Variants in MGAT4C observed in about 807,000 individuals in gnomAD.
MGAT4C encodes the protein MGAT4 family member C.
In MGAT4C, 19 loss-of-function variants were observed where a neutral mutation model predicts 40.1. The ratio of observed to expected loss-of-function variants is 0.47; its 90% CI spans 0.33 to 0.70. The LOEUF (loss-of-function observed/expected upper bound fraction) is 0.70, where lower values mean the gene tolerates loss of function less well. MGAT4C is among the 30% of genes least tolerant of loss of function. The pLI, the probability that MGAT4C is intolerant of heterozygous loss-of-function variation, is 0.02. For synonymous variants in MGAT4C, 181 were observed against 187.1 expected, an observed-to-expected ratio of 0.97 and a Z score of 0.27; for missense variants, 491 against 563.2, an observed-to-expected ratio of 0.87 and a Z score of 1.30.
chr12:86,574,818 A>G (rs898930263), intron 2 of MGAT4C, among the ~76,000 whole-genome samples: 13 of 151,742 alleles, frequency 8.6e-5, no homozygotes, highest in Admixed American at 6.6e-4. Context: ...ATTGGTGATG[A>G]ATTTGAGCAT....
At chr12:86,264,535 GC>G (rs1232758783) in intron 4 of MGAT4C, among the ~76,000 whole-genome samples, 2 of 152,072 alleles carry the variant, frequency 1.3e-5, no homozygotes, top group Non-Finnish European at 2.9e-5. Flanking sequence ...TGGAAGTCCC[GC>G]CCCCTTCCGA....
chr12:86,392,154 G>A (rs1956171477), intron 3 of MGAT4C, among the ~76,000 whole-genome samples: 1 of 152,022 alleles, frequency 6.6e-6, no homozygotes, highest in African/African-American at 2.4e-5. Flanking sequence ...TAAAAGTTAT[G>A]GTCTTCTAGA....
chr12:86,495,022 T>C (rs1346927087), intron 2 of MGAT4C, among the ~76,000 whole-genome samples: 1 of 152,086 alleles, frequency 6.6e-6, no homozygotes, highest in Non-Finnish European at 1.5e-5. Flanking sequence ...TCTAAGAATA[T>C]GCAGAATATG....
chr12:85,979,541 A>G lies in MGAT4C; in HGVS notation c.1185T>C (p.Asn395=), dbSNP rs1884290860. Residue 395 remains asparagine (N), a synonymous_variant, in exon 5 of 5, where the codon AAT becomes AAC. Transcript: ENST00000611864. The part of the protein sequence containing the change: ...NPIIIKKIKV[N]TGTEDRQNDI... ...CATTTTGCCGATCTTCTGTTCCAGT[A>G]TTTACTTTAATTTTTTTTATTATAA... 1.2e-6 allele frequency: 2 copies of G among 1,610,520 alleles called. No individual in the cohort carries two copies. Among genetic ancestry groups the G allele is most frequent in the Non-Finnish European group, 1.7e-6 (2 of 1,178,358 alleles).
At position 86,278,414 on chromosome 12, in the gene MGAT4C, G is replaced by A. The variant is rs568499016; in HGVS notation, c.-57+55651C>T. Among the ~76,000 whole-genome samples the A allele has an allele frequency of 3.3e-5, 5 of 151,952 alleles. No individual in the cohort carries two copies. In the South Asian group the frequency reaches 1.0e-3, roughly 32 times the overall value. On this transcript the variant is annotated intron_variant, in intron 4 of 7. Transcript: ENST00000548651. Reference sequence around the variant, plus strand: ...GGCTGGTCTTGAACTCCTGACCTCAGGTGATCCACCCACCTCGGCCTCCCA... The same window carrying A: ...GGCTGGTCTTGAACTCCTGACCTCAAGTGATCCACCCACCTCGGCCTCCCA...
chr12:86,774,404 TCTC>T (rs1951716421), intron 1 of MGAT4C, among the ~76,000 whole-genome samples: 1 of 146,360 alleles, frequency 6.8e-6, no homozygotes, highest in South Asian at 2.2e-4. Context: ...CTCCTCTCTC[TCTC>T]TCTCTCTCTC....
At chr12:86,775,105 A>G (rs1951729186) in intron 1 of MGAT4C, among the ~76,000 whole-genome samples, 1 of 152,228 alleles carries the variant, frequency 6.6e-6, no homozygotes, top group Non-Finnish European at 1.5e-5. Context: ...AAAAAGAGCC[A>G]TGAAATAGAC....
At chr12:86,297,294 A>T (rs1387271481) in intron 4 of MGAT4C, among the ~76,000 whole-genome samples, 1 of 152,202 alleles carries the variant, frequency 6.6e-6, no homozygotes, top group Non-Finnish European at 1.5e-5. Context: ...TTTCTGTACA[A>T]CAGTGGGAGG....
chr12:86,039,453 C>T (rs1053903321), intron 2 of MGAT4C, among the ~76,000 whole-genome samples: 1 of 152,152 alleles, frequency 6.6e-6, no homozygotes, highest in Non-Finnish European at 1.5e-5. Flanking sequence ...TGTCTTCTCA[C>T]TTTATTTCTT....
intron 3 of MGAT4C, among the ~76,000 whole-genome samples, chr12:86,420,036 T>C (rs1474484544): frequency 6.6e-6 from 1 of 151,098 alleles, no homozygotes; most frequent in Non-Finnish European, 1.5e-5. Flanking sequence ...TTAACCATTT[T>C]AAGTAGGATT....
intron 3 of MGAT4C, among the ~76,000 whole-genome samples, chr12:86,388,177 T>C (rs927291280): frequency 5.9e-5 from 9 of 152,172 alleles, no homozygotes; most frequent in African/African-American, 2.2e-4. Context: ...GTTCTCATTC[T>C]ATCAGGAAGA....
intron 1 of MGAT4C, among the ~76,000 whole-genome samples, chr12:86,235,164 G>A (rs1951480663): frequency 6.6e-6 from 1 of 151,772 alleles, no homozygotes; most frequent in Admixed American, 6.6e-5. Flanking sequence ...CATGAACTCC[G>A]GGTCTATAGA....
Position 85,974,123 on chromosome 12 carries a change from C to T in MGAT4C, c.*5166G>A, listed in dbSNP as rs1328656006. The T allele has an allele frequency of 6.6e-6, 1 of 150,814 alleles. No individual in the cohort carries two copies. Among genetic ancestry groups the T allele is most frequent in the Non-Finnish European group, 1.5e-5 (1 of 67,082 alleles). 9.3% of individuals were successfully genotyped at this position (150,814 alleles called of 1,614,324 possible). On this transcript the variant is annotated 3_prime_UTR_variant, in exon 5 of 5. Transcript: ENST00000611864. Reference sequence around the variant, plus strand: ...AAAGAATTCAAATAAAAACCATAAACCTGAAACTCTAAAAGAAAAATTCTG... The same window carrying T: ...AAAGAATTCAAATAAAAACCATAAATCTGAAACTCTAAAAGAAAAATTCTG...
chr12:86,575,788 T>C (rs1327946965), intron 2 of MGAT4C, among the ~76,000 whole-genome samples: 1 of 151,888 alleles, frequency 6.6e-6, no homozygotes, highest in Non-Finnish European at 1.5e-5. Flanking sequence ...CTCTCAACTA[T>C]TCTCCCTAGT....
At chr12:86,169,147 A>T (rs1414864726) in intron 1 of MGAT4C, among the ~76,000 whole-genome samples, 1 of 152,168 alleles carries the variant, frequency 6.6e-6, no homozygotes, top group Non-Finnish European at 1.5e-5. Context: ...GAGAGAATGC[A>T]TCACTTTCTT....
chr12:86,073,099 T>A lies in MGAT4C; in HGVS notation c.-56-23376A>T, dbSNP rs1365778183. ...AGGGACCTGGTGGGAGACAATTGAA[T>A]CATGGGGGTGGTTTTCCTCACACTG... On this transcript the variant is annotated intron_variant, in intron 1 of 4. Transcript: ENST00000611864. 2.0e-5 allele frequency among the ~76,000 whole-genome samples: 3 copies of A among 152,274 alleles called. No homozygotes were observed. In the East Asian group the frequency reaches 5.8e-4, roughly 29 times the overall value.
At chr12:86,583,844 G>T (rs1960893502) in intron 2 of MGAT4C, among the ~76,000 whole-genome samples, 1 of 150,948 alleles carries the variant, frequency 6.6e-6, no homozygotes, top group Admixed American at 6.6e-5. Flanking sequence ...CCTAGAAAAA[G>T]AATCTTTCTT....
rs1365904820 is a variant in MGAT4C at position 86,628,374 on chromosome 12, C to G, written c.-229+98835G>C. 8.5e-5 allele frequency among the ~76,000 whole-genome samples: 13 copies of G among 152,090 alleles called. No individual in the cohort carries two copies. In the East Asian group the frequency reaches 2.5e-3, roughly 29 times the overall value. The stretch of plus-strand genomic sequence containing the variant: ...CCAACCTAGCAAGTCAGGCCACATT[C>G]AAATTCAGGAAATACAGAGAACACC... On this transcript the variant is annotated intron_variant, in intron 2 of 7. Coordinates refer to the MGAT4C transcript ENST00000548651.
At chr12:86,243,132 T>C (rs1951858229) in intron 1 of MGAT4C, among the ~76,000 whole-genome samples, 1 of 152,124 alleles carries the variant, frequency 6.6e-6, no homozygotes, top group Non-Finnish European at 1.5e-5. Context: ...AATGAGTACA[T>C]GAGGGTACAG....
Sources: gnomAD v4.1 joint callset for allele counts (sites outside exome capture counted in the v4.1 genomes callset) on GRCh38, gnomAD v4.1.1 for gene constraint, MANE v1.5 for transcripts, NCBI Gene and HGNC (gene_info 2026-07-23, HGNC 2026-07-21) for gene names.